BMPR1B: variants seen among roughly 807,000 people sequenced by gnomAD.
BMPR1B encodes the protein bone morphogenetic protein receptor type-1B.
A neutral mutation model predicts 59.1 loss-of-function variants in BMPR1B; 12 were observed. The ratio of observed to expected loss-of-function variants is 0.20; its 90% CI spans 0.13 to 0.33. BMPR1B has a LOEUF of 0.33. Among genes scored for constraint, BMPR1B ranks in the 10% least tolerant of loss-of-function variants. The pLI, the probability that BMPR1B is intolerant of heterozygous loss-of-function variation, is 1.00. For synonymous variants in BMPR1B, 237 were observed against 207.3 expected (o/e 1.14, Z -1.23); for missense variants, 550 against 610.9 (o/e 0.90, Z 1.05).
At chr4:94,935,601 GTA>G (rs1491060236) in intron 2 of BMPR1B, among the ~76,000 whole-genome samples, 1 of 152,150 alleles carries the variant, frequency 6.6e-6, no homozygotes, top group African/African-American at 2.4e-5. Context: ...AGAGTGACTT[GTA>G]TGTGTGTGAG....
intron 12 of BMPR1B, 127 bp downstream of exon 12, chr4:95,152,900 T>A: frequency 8.4e-7 from 1 of 1,195,644 alleles, no homozygotes; most frequent in Non-Finnish European, 1.2e-6. Flanking sequence ...GGCGCCTCAT[T>A]GCAGTAATTT....
chr4:94,820,222 G>C lies in BMPR1B; in HGVS notation c.-182-55609G>C, dbSNP rs1241227181. Among the ~76,000 whole-genome samples the C allele has an allele frequency of 2.6e-5, 4 of 152,276 alleles. No homozygotes were observed. The East Asian group carries it at 5.8e-4, about 22-fold the overall frequency. ...TAGGGTGCCAGACCTTGAATGTATG[G>C]AGCAGAAATTTTAATTCAGATGGTC... is the stretch of plus-strand genomic sequence containing the variant. On this transcript the variant is annotated intron_variant, in intron 1 of 12. Coordinates refer to ENST00000515059, the MANE Select transcript of BMPR1B (RefSeq NM_001203.3).
chr4:94,979,569 G>A lies in BMPR1B; in HGVS notation c.-112-16471G>A, dbSNP rs186130447. On this transcript the variant is annotated intron_variant, in intron 2 of 12. Coordinates refer to ENST00000515059, the MANE Select transcript of BMPR1B (RefSeq NM_001203.3). ...CCAGGTATAGAAACCTTGTGTTTTT[G>A]TAAGAAAAGAGGAAAAATATCCCTT... is the stretch of plus-strand genomic sequence containing the variant. 4.3e-3 allele frequency among the ~76,000 whole-genome samples: 661 copies of A among 152,232 alleles called. 2 individuals carry two copies. The highest frequency in any genetic ancestry group is 7.9e-3 in the Non-Finnish European group (534 of 67,998).
intron 3 of BMPR1B, among the ~76,000 whole-genome samples, chr4:95,031,157 T>C (rs900468706): frequency 6.6e-6 from 1 of 152,188 alleles, no homozygotes. Flanking sequence ...AGCATGGTAC[T>C]GGTACCAAAA....
intron 2 of BMPR1B, among the ~76,000 whole-genome samples, chr4:94,986,771 G>C (rs1721430715): frequency 6.6e-6 from 1 of 152,028 alleles, no homozygotes; most frequent in Non-Finnish European, 1.5e-5. Context: ...TCCGGGCGCA[G>C]TGGCTCACGC....
At chr4:94,758,164 G>A (rs1721599269) in intron 1 of BMPR1B, 96 bp downstream of exon 1, 1 of 151,100 alleles carries the variant, frequency 6.6e-6, no homozygotes, top group Admixed American at 6.6e-5. Flanking sequence ...GCAGAGCGAG[G>A]GGCGGCGCGG....
At chr4:94,866,484 A>T (rs932356842) in intron 1 of BMPR1B, among the ~76,000 whole-genome samples, 5 of 151,840 alleles carry the variant, frequency 3.3e-5, no homozygotes, top group Admixed American at 6.6e-5. Flanking sequence ...CCCGTCCAAA[A>T]TCCTTCCCTG....
intron 1 of BMPR1B, among the ~76,000 whole-genome samples, chr4:94,842,658 T>G (rs1050588789): frequency 4.6e-5 from 7 of 152,200 alleles, no homozygotes; most frequent in African/African-American, 1.7e-4. Context: ...TACTTATTTT[T>G]TAACATGCTT....
intron 1 of BMPR1B, among the ~76,000 whole-genome samples, chr4:94,850,299 T>A (rs1725518179): frequency 6.6e-6 from 1 of 152,082 alleles, no homozygotes; most frequent in Non-Finnish European, 1.5e-5. Context: ...TGTATAGCAT[T>A]GCAAAGGAAA....
At chr4:94,948,049 G>T (rs3775030) in intron 2 of BMPR1B, among the ~76,000 whole-genome samples, 90,405 of 152,002 alleles carry the variant, frequency 0.59, 28,386 homozygotes, top group African/African-American at 0.79. Context: ...GCTTTACATG[G>T]GGGAACAAGT....
intron 5 of BMPR1B, 58 bp from the exon 6 acceptor site, chr4:95,115,627 T>C (rs373584715): frequency 4.2e-6 from 6 of 1,421,248 alleles, no homozygotes; most frequent in Non-Finnish European, 2.0e-6. Flanking sequence ...AAGTTTTAGA[T>C]GATTTGACTT....
chr4:94,859,307 AC>A (rs548800586), intron 1 of BMPR1B, among the ~76,000 whole-genome samples: 32 of 152,314 alleles, frequency 2.1e-4, no homozygotes, highest in African/African-American at 7.7e-4. Context: ...TTTTAAAAAA[AC>A]TTCCGTCTTT....
intron 5 of BMPR1B, 134 bp downstream of exon 5, chr4:95,114,956 C>G: frequency 1.2e-6 from 1 of 821,138 alleles, no homozygotes; most frequent in South Asian, 1.4e-5. Flanking sequence ...ACATTTAGGT[C>G]AGCAACAGAT....
At chr4:94,792,213 ATAAAT>A (rs1280378295) in intron 1 of BMPR1B, among the ~76,000 whole-genome samples, 2 of 152,218 alleles carry the variant, frequency 1.3e-5, no homozygotes, top group African/African-American at 4.8e-5. Flanking sequence ...TATATTGAAC[ATAAAT>A]TAATCTCTTG....
intron 4 of BMPR1B, among the ~76,000 whole-genome samples, chr4:95,107,560 A>G (rs1731278071): frequency 6.6e-6 from 1 of 152,092 alleles, no homozygotes; most frequent in Admixed American, 6.6e-5. Flanking sequence ...ACAGAAAACT[A>G]ATATTTATTG....
At chr4:95,126,901 A>G (rs1458919998) in intron 8 of BMPR1B, among the ~76,000 whole-genome samples, 1 of 152,186 alleles carries the variant, frequency 6.6e-6, no homozygotes, top group Admixed American at 6.6e-5. Flanking sequence ...AGTGCCTTAT[A>G]TATAACCACA....
In BMPR1B at chr4:95,040,955, C is replaced by G. The variant is rs373313573; in HGVS notation, c.-18+44821C>G. On this transcript the variant is annotated intron_variant, in intron 3 of 12. Transcript: ENST00000515059. ...CTGCCTCGCTGTACCTCCTAAAGTACAGGCCTATGCAAGGAAGAAAAAACC... is the reference window on the plus strand; with the variant it reads ...CTGCCTCGCTGTACCTCCTAAAGTAGAGGCCTATGCAAGGAAGAAAAAACC... 4.1e-4 allele frequency among the ~76,000 whole-genome samples: 62 copies of G among 152,322 alleles called. 1 individual carries two copies. Among genetic ancestry groups the G allele is most frequent in the African/African-American group, 1.4e-3 (60 of 41,570 alleles).
intron 1 of BMPR1B, among the ~76,000 whole-genome samples, chr4:94,859,675 A>G (rs1335073746): frequency 6.6e-6 from 1 of 152,142 alleles, no homozygotes; most frequent in African/African-American, 2.4e-5. Flanking sequence ...ACCAGGTAGC[A>G]TAAAGATGAT....
At chr4:94,863,108 C>G (rs1726064087) in intron 1 of BMPR1B, among the ~76,000 whole-genome samples, 1 of 151,846 alleles carries the variant, frequency 6.6e-6, no homozygotes, top group Non-Finnish European at 1.5e-5. Flanking sequence ...AAGAGTGAGA[C>G]TCGTCTCAAA....
Sources: allele counts gnomAD v4.1 joint callset (sites outside exome capture counted in the v4.1 genomes callset), GRCh38; gene constraint gnomAD v4.1.1; transcripts MANE v1.5; gene names NCBI Gene and HGNC (gene_info 2026-07-23, HGNC 2026-07-21).